The following SUSD1 variants were observed in gnomAD, a reference collection of about 807,000 sequenced individuals.
SUSD1 encodes sushi domain containing 1, also known as sushi domain-containing protein 1.
Under a neutral mutation model 86.9 loss-of-function variants are expected in SUSD1, and 65 were observed. The observed-to-expected ratio is 0.75, with a 90% CI of 0.61 to 0.92. The LOEUF is 0.92. SUSD1 is among the 40% of genes least tolerant of loss of function. The pLI is 0.00. For missense variants in SUSD1, 850 were observed against 929.7 expected, an observed-to-expected ratio of 0.91 and a Z score of 1.11; for synonymous variants, 346 against 350.0, an observed-to-expected ratio of 0.99 and a Z score of 0.13.
intron 11 of SUSD1, among the ~76,000 whole-genome samples, chr9:112,079,536 G>A (rs918183116): frequency 6.6e-5 from 10 of 151,568 alleles, no homozygotes; most frequent in Non-Finnish European, 1.5e-4. Flanking sequence ...CTGACACTTC[G>A]GCCAAGAGAC....
chr9:112,046,286 T>C (rs185763584), intron 15 of SUSD1, among the ~76,000 whole-genome samples: 1 of 152,358 alleles, frequency 6.6e-6, no homozygotes, highest in African/African-American at 2.4e-5. Flanking sequence ...CACCATCCTT[T>C]GGTTACCCTA....
chr9:112,139,862 AT>A (rs1185134700), intron 5 of SUSD1, among the ~76,000 whole-genome samples: 2 of 152,170 alleles, frequency 1.3e-5, no homozygotes, highest in Non-Finnish European at 2.9e-5. Context: ...AAAAATGGTA[AT>A]TAAAAAAATT....
intron 14 of SUSD1, among the ~76,000 whole-genome samples, chr9:112,057,952 C>T (rs1828524216): frequency 6.6e-6 from 1 of 152,198 alleles, no homozygotes; most frequent in African/African-American, 2.4e-5. Flanking sequence ...GAAAGAACCA[C>T]TGCTGGAAGA....
chr9:112,142,636 C>A, intron 4 of SUSD1, 137 bp from the exon 5 acceptor site: 1 of 781,016 alleles, frequency 1.3e-6, no homozygotes, highest in South Asian at 2.0e-5. Context: ...TTCATTCCCA[C>A]ATGACTTCTG....
At chr9:112,169,967 G>A (rs907246217) in intron 1 of SUSD1, among the ~76,000 whole-genome samples, 4 of 152,108 alleles carry the variant, frequency 2.6e-5, no homozygotes, top group Admixed American at 6.5e-5. Flanking sequence ...GAGCCACCAC[G>A]CCAAGCTGAG....
intron 2 of SUSD1, among the ~76,000 whole-genome samples, chr9:112,155,666 T>A (rs972577096): frequency 6.6e-6 from 1 of 151,700 alleles, no homozygotes; most frequent in African/African-American, 2.4e-5. Context: ...TCGCCCAGAC[T>A]GGAGTGCAGT....
At chr9:112,136,377 G>T (rs1832263747) in intron 5 of SUSD1, among the ~76,000 whole-genome samples, 1 of 152,126 alleles carries the variant, frequency 6.6e-6, no homozygotes, top group African/African-American at 2.4e-5. Flanking sequence ...AGGACTACAG[G>T]CGCGTGCCAT....
intron 5 of SUSD1, among the ~76,000 whole-genome samples, chr9:112,134,626 T>C (rs1221649455): frequency 1.3e-5 from 2 of 151,538 alleles, no homozygotes; most frequent in East Asian, 3.9e-4. Context: ...AGGAAGGGGG[T>C]TGAAACACTA....
intron 8 of SUSD1, among the ~76,000 whole-genome samples, chr9:112,110,963 C>T (rs762723282): frequency 5.9e-5 from 9 of 152,112 alleles, no homozygotes; most frequent in African/African-American, 9.6e-5. Flanking sequence ...CTCTTTCACA[C>T]GCAAGAGCAA....
At chr9:112,108,793 AAAAAAAAGAAAG>A (rs1830959674) in intron 8 of SUSD1, among the ~76,000 whole-genome samples, 1 of 143,360 alleles carries the variant, frequency 7.0e-6, no homozygotes, top group Non-Finnish European at 1.5e-5. Flanking sequence ...AAAAAAAAAG[AAAAAAAAGAAAG>A]AAAGAAAGAA....
At chr9:112,144,700 T>C (rs1161686316) in intron 3 of SUSD1, among the ~76,000 whole-genome samples, 1 of 152,114 alleles carries the variant, frequency 6.6e-6, no homozygotes, top group Non-Finnish European at 1.5e-5. Flanking sequence ...GAGTATAGGA[T>C]GGTGTGGCAG....
intron 6 of SUSD1, among the ~76,000 whole-genome samples, chr9:112,122,047 G>A (rs1260023094): frequency 6.6e-6 from 1 of 152,222 alleles, no homozygotes; most frequent in Admixed American, 6.5e-5. Context: ...AACACTCTCT[G>A]AGGTAAGAAA....
In SUSD1 at chr9:112,058,538, T is replaced by C. The variant is rs1431849785; in HGVS notation, c.1999A>G (p.Met667Val). 3 of 1,614,184 alleles carry C rather than the reference T, an allele frequency of 1.9e-6. No homozygotes were observed. The highest frequency in any genetic ancestry group is 2.5e-6 in the Non-Finnish European group (3 of 1,180,006). The stretch of plus-strand genomic sequence containing the variant: ...AGCCTGTCTCCTATAGGTATCTCCA[T>C]GGCATCATCTGGAACATCTTTGGCC... ...LLAKDVPDDAMEIPIGDRLYY... is the reference protein window; with the variant it reads ...LLAKDVPDDAVEIPIGDRLYY... Residue 667 changes from methionine to valine, a missense_variant, in exon 14 of 17, where the codon ATG becomes GTG. Transcript: ENST00000374270.
In SUSD1 at chr9:112,175,010, G is replaced by T; in HGVS notation, c.103+123C>A. The T allele has an allele frequency of 9.5e-6, 7 of 733,466 alleles. No individual in the cohort carries two copies. The highest frequency in any genetic ancestry group is 1.2e-5 in the Non-Finnish European group (7 of 598,990). 45.4% of individuals were successfully genotyped at this position (733,466 alleles called of 1,614,324 possible). A position where few individuals can be genotyped will look rare whatever the true frequency, so the allele number is the denominator to read the frequency against. On this transcript the variant is annotated intron_variant, in intron 1 of 16. Coordinates refer to ENST00000374270, the MANE Select transcript of SUSD1 (RefSeq NM_022486.5). The surrounding 1 kb of genome is among the most constrained non-coding windows in gnomAD (Gnocchi z 4.7). ...AACGGCCGGCGCGGGCCCCACCTGC[G>T]CCCCACGCCTCGGCACCGCGCCGGC...
In SUSD1 at chr9:112,078,809, C is replaced by CACTT. The variant is rs1196821450; in HGVS notation, c.1567-86_1567-85insAAGT. On this transcript the variant is annotated intron_variant, in intron 11 of 16. Coordinates refer to ENST00000374270, the MANE Select transcript of SUSD1 (RefSeq NM_022486.5). ...AAACCTCCCCTTTTCCTTTTTCTTT[C>CACTT]TCTTTTTTTTTTTTTTTTTTTGAGA... The CACTT allele has an allele frequency of 2.4e-4, 201 of 830,036 alleles. No homozygotes were observed. In the African/African-American group the frequency reaches 3.8e-3, roughly 16 times the overall value. 51.4% of individuals were successfully genotyped at this position (830,036 alleles called of 1,614,324 possible). A position where few individuals can be genotyped will look rare whatever the true frequency, so the allele number is the denominator to read the frequency against.
intron 5 of SUSD1, among the ~76,000 whole-genome samples, chr9:112,137,455 A>C (rs1316842621): frequency 6.6e-6 from 1 of 152,220 alleles, no homozygotes; most frequent in Admixed American, 6.5e-5. Flanking sequence ...AAGGCAATCT[A>C]AATGGTTTTA....
intron 10 of SUSD1, among the ~76,000 whole-genome samples, chr9:112,096,802 A>G (rs1830414725): frequency 6.6e-6 from 1 of 152,174 alleles, no homozygotes; most frequent in Non-Finnish European, 1.5e-5. Flanking sequence ...GGCCTCCCAT[A>G]GTGCTGGAAT....
At chr9:112,105,344 T>G (rs1410520363) in intron 8 of SUSD1, among the ~76,000 whole-genome samples, 1 of 143,920 alleles carries the variant, frequency 6.9e-6, no homozygotes, top group Non-Finnish European at 1.5e-5. Context: ...AAACAAACTT[T>G]AAAAAAAAAA....
rs536163010 is a variant in SUSD1 at position 112,164,808 on chromosome 9, G to A, written c.104-7195C>T. ...AAATACAAAAAACTAGCCGGGTTTG[G>A]TGGCCGGTGCCTGTAGTCCCAGTTA... On this transcript the variant is annotated intron_variant, in intron 1 of 16. Coordinates refer to ENST00000374270, the MANE Select transcript of SUSD1 (RefSeq NM_022486.5). 2.6e-5 allele frequency among the ~76,000 whole-genome samples: 4 copies of A among 152,250 alleles called. No homozygotes were observed. In the South Asian group the frequency reaches 8.3e-4, roughly 32 times the overall value.
Sources: gnomAD v4.1 joint callset for allele counts (sites outside exome capture counted in the v4.1 genomes callset) on GRCh38, gnomAD v4.1.1 for gene constraint, Gnocchi (gnomAD v3.1) non-coding constraint, MANE v1.5 for transcripts, NCBI Gene and HGNC (gene_info 2026-07-23, HGNC 2026-07-21) for gene names.